Variants in MED26 observed in about 807,000 individuals in gnomAD.
MED26 encodes mediator of RNA polymerase II transcription subunit 26.
In MED26, 7 loss-of-function variants were observed where a neutral mutation model predicts 43.7. The ratio of observed to expected loss-of-function variants is 0.16; its 90% CI spans 0.09 to 0.30. MED26 has a LOEUF of 0.30. MED26 is among the 10% of genes least tolerant of loss of function. The pLI is 1.00. For missense variants in MED26, 784 were observed against 840.6 expected, an observed-to-expected ratio of 0.93 and a Z score of 0.83; for synonymous variants, 375 against 371.1, an observed-to-expected ratio of 1.01 and a Z score of -0.12.
chr19:16,578,362 T>A lies in MED26; in HGVS notation c.120A>T (p.Lys40Asn), dbSNP rs142449554. Residue 40 changes from lysine to asparagine, a missense_variant, in exon 2 of 3, where the codon AAA (lysine) becomes AAT (asparagine). Around this residue, in one of 3 missense-constraint regions of MED26, gnomAD observed 28 missense variants for 79.4 expected, o/e 0.35. Coordinates refer to ENST00000263390, the MANE Select transcript of MED26 (RefSeq NM_004831.5). ...AVLEVISSLE[K>N]YPITKEALEE... ...CAAGTGCCTCTTTGGTAATAGGGTA[T>A]TTCTCCAGGCTGGAGATGACTTCCA... 1 of 1,614,058 alleles carries A rather than the reference T, an allele frequency of 6.2e-7. No individual in the cohort carries two copies. Among genetic ancestry groups the A allele is most frequent in the South Asian group, 1.1e-5 (1 of 91,072 alleles).
At chr19:16,617,470 A>G (rs2086231546) in intron 1 of MED26, among the ~76,000 whole-genome samples, 2 of 152,222 alleles carry the variant, frequency 1.3e-5, no homozygotes, top group Admixed American at 1.3e-4. Flanking sequence ...GAAACTAGAA[A>G]GTAACTCCTG....
At chr19:16,594,881 TCAC>T (rs987140358) in intron 1 of MED26, among the ~76,000 whole-genome samples, 2 of 152,032 alleles carry the variant, frequency 1.3e-5, no homozygotes, top group Admixed American at 1.3e-4. Flanking sequence ...ACCCTACCTG[TCAC>T]CACACCAAAA....
intron 1 of MED26, among the ~76,000 whole-genome samples, chr19:16,606,729 GGGA>G (rs2086175103): frequency 6.6e-6 from 1 of 152,194 alleles, no homozygotes; most frequent in Non-Finnish European, 1.5e-5. Flanking sequence ...CATCTGGGAG[GGGA>G]GTAGGCTGAG....
At chr19:16,580,559 G>A (rs139386373) in intron 1 of MED26, among the ~76,000 whole-genome samples, 1 of 152,028 alleles carries the variant, frequency 6.6e-6, no homozygotes, top group East Asian at 1.9e-4. Context: ...TTTTAGTAGG[G>A]ACAGGGTTTC....
chr19:16,606,290 C>T (rs930256241), intron 1 of MED26, among the ~76,000 whole-genome samples: 12 of 152,204 alleles, frequency 7.9e-5, no homozygotes, highest in African/African-American at 2.9e-4. Context: ...GTGACTCACG[C>T]CTGTAATCCC....
At chr19:16,578,693 T>C in intron 1 of MED26, 1 of 410,956 alleles carries the variant, frequency 2.4e-6, no homozygotes, top group Non-Finnish European at 4.4e-6. Flanking sequence ...AAACCCAGGA[T>C]GCCTGTGGAA....
chr19:16,592,458 C>T lies in MED26; in HGVS notation c.73-14049G>A, dbSNP rs114303360. 6.4e-3 allele frequency among the ~76,000 whole-genome samples: 969 copies of T among 152,282 alleles called. 14 individuals carry two copies. Among genetic ancestry groups the T allele is most frequent in the African/African-American group, 0.021 (883 of 41,534 alleles). The stretch of plus-strand genomic sequence containing the variant: ...ATATCCAGGCTGGTGGGGGACGTAC[C>T]GCCACCAACCAGCAATGGCCACTGT... On this transcript the variant is annotated intron_variant, in intron 1 of 2. Coordinates refer to ENST00000263390, the MANE Select transcript of MED26 (RefSeq NM_004831.5).
Position 16,628,121 on chromosome 19 carries a change from GGCC to G in MED26, c.-181_-179del, listed in dbSNP as rs1253731016. On this transcript the variant is annotated 5_prime_UTR_variant, in exon 1 of 3. Transcript: ENST00000263390. ...GAGCCGGGGCCGGGTCTCGGTCCCGGGCCGCCGCCGCCACCAAAGGAGGAGGAG... is the reference window on the plus strand; with the variant it reads ...GAGCCGGGGCCGGGTCTCGGTCCCGGGCCGCCGCCACCAAAGGAGGAGGAG... 1.9e-5 allele frequency: 7 copies of G among 372,846 alleles called. No homozygotes were observed. The highest frequency in any genetic ancestry group is 3.3e-5 in the Non-Finnish European group (7 of 211,414). The allele number at this position is 372,846 out of a possible 1,614,324, so 23.1% of individuals were successfully genotyped here.
At chr19:16,593,057 C>A (rs1308175622) in intron 1 of MED26, among the ~76,000 whole-genome samples, 1 of 152,228 alleles carries the variant, frequency 6.6e-6, no homozygotes, top group Non-Finnish European at 1.5e-5. Flanking sequence ...GCCCACCAAT[C>A]CAGACACCAG....
In MED26 at chr19:16,586,688, GCA is replaced by G. The variant is rs1568281744; in HGVS notation, c.73-8281_73-8280del. Among the ~76,000 whole-genome samples the G allele has an allele frequency of 1.3e-5, 2 of 152,126 alleles. No homozygotes were observed. The highest frequency in any genetic ancestry group is 2.4e-5 in the African/African-American group (1 of 41,412). ...TGGCCCTGGGAACAGTGCACATGGA[GCA>G]CAGACTGCAGTTCTGCACTCCCCCA... On this transcript the variant is annotated intron_variant, in intron 1 of 2. Transcript: ENST00000263390. The surrounding 1 kb of genome is among the most constrained non-coding windows in gnomAD (Gnocchi z 5.1).
chr19:16,619,092 C>G (rs1482155365), intron 1 of MED26, among the ~76,000 whole-genome samples: 4 of 152,220 alleles, frequency 2.6e-5, no homozygotes, highest in African/African-American at 9.6e-5. Flanking sequence ...GGACAGGCCA[C>G]AGAATTAGTA....
intron 1 of MED26, among the ~76,000 whole-genome samples, chr19:16,594,159 G>A (rs2086110113): frequency 6.6e-6 from 1 of 152,380 alleles, no homozygotes; most frequent in African/African-American, 2.4e-5. Flanking sequence ...AGTGTGGCAA[G>A]GCAGGGAGAG....
At chr19:16,607,414 G>A (rs1599343588) in intron 1 of MED26, among the ~76,000 whole-genome samples, 1 of 150,892 alleles carries the variant, frequency 6.6e-6, no homozygotes. Flanking sequence ...TCCATATTGT[G>A]TGCCTCGTGC....
chr19:16,577,022 G>A lies in MED26; in HGVS notation c.808C>T (p.Arg270Cys), dbSNP rs781740131. ...PGPPHPKGPP[R>C]CSFSPRNSRH... ...GAGTTCCGAGGACTGAAAGAGCAGCGAGGGGGTCCCTTGGGATGGGGAGGC... is the reference window on the plus strand; with the variant it reads ...GAGTTCCGAGGACTGAAAGAGCAGCAAGGGGGTCCCTTGGGATGGGGAGGC... Residue 270 changes from arginine to cysteine, a missense_variant, in exon 3 of 3, where the codon CGC becomes TGC. Around this residue, in one of 3 missense-constraint regions of MED26, gnomAD observed 719 missense variants for 730.9 expected, o/e 0.98. Transcript: ENST00000263390. This position sits in a 1 kb window ranked among gnomAD's most constrained non-coding sequence, Gnocchi z 8.1. 22 of 1,608,754 alleles carry A rather than the reference G, an allele frequency of 1.4e-5. No individual in the cohort carries two copies. The highest frequency in any genetic ancestry group is 3.3e-4 in the Middle Eastern group (2 of 6,070).
In MED26 at chr19:16,581,283, A is replaced by C. The variant is rs116518516; in HGVS notation, c.73-2874T>G. On this transcript the variant is annotated intron_variant, in intron 1 of 2. Coordinates refer to ENST00000263390, the MANE Select transcript of MED26 (RefSeq NM_004831.5). ...GTGTCATGGTGGGGGTGGACGGGTG[A>C]TATGAGGGGAGATACAGTCCTGTCC... 3.2e-3 allele frequency among the ~76,000 whole-genome samples: 492 copies of C among 152,238 alleles called. 2 individuals carry two copies. Among genetic ancestry groups the C allele is most frequent in the African/African-American group, 0.011 (476 of 41,546 alleles).
intron 2 of MED26, 106 bp downstream of exon 2, chr19:16,578,229 C>G (rs1279858429): frequency 9.1e-7 from 1 of 1,095,748 alleles, no homozygotes. Flanking sequence ...TCTTGGTCCT[C>G]CGAAGCAAAG....
Position 16,576,220 on chromosome 19 carries a change from G to T in MED26, c.1610C>A (p.Pro537His). 6.2e-7 allele frequency: 1 copy of T among 1,611,616 alleles called. No individual in the cohort carries two copies. The highest frequency in any genetic ancestry group is 1.1e-5 in the South Asian group (1 of 91,088). ...CCGGGTCAGACCAGGGAGGTCCGTGGGCGGGCTTTGAGGCACCAGCACATG... is the reference window on the plus strand; with the variant it reads ...CCGGGTCAGACCAGGGAGGTCCGTGTGCGGGCTTTGAGGCACCAGCACATG... Reference protein sequence around the residue: ...QLHVLVPQSPPTDLPGLTREV... With the variant: ...QLHVLVPQSPHTDLPGLTREV... Residue 537 changes from proline (P) to histidine (H), a missense_variant, in exon 3 of 3, where the codon CCC becomes CAC. Coordinates refer to ENST00000263390, the MANE Select transcript of MED26 (RefSeq NM_004831.5). The surrounding 1 kb of genome is among the most constrained non-coding windows in gnomAD (Gnocchi z 6.8).
intron 1 of MED26, among the ~76,000 whole-genome samples, chr19:16,594,709 C>G (rs1174934768): frequency 6.6e-6 from 1 of 152,102 alleles, no homozygotes; most frequent in Non-Finnish European, 1.5e-5. Flanking sequence ...TATTTTAAAC[C>G]TTTTTTAACT....
In MED26 at chr19:16,577,200, C is replaced by A; in HGVS notation, c.630G>T (p.Glu210Asp). 6.2e-7 allele frequency: 1 copy of A among 1,613,302 alleles called. No individual in the cohort carries two copies. Among genetic ancestry groups the A allele is most frequent in the African/African-American group, 1.3e-5 (1 of 75,048 alleles). Residue 210 changes from glutamate (E) to aspartate (D), a missense_variant, in exon 3 of 3, where the codon GAG becomes GAT. Glu to Asp is a conservative substitution (Grantham distance 45). This residue lies in a region of MED26 where 719 missense variants were observed against 730.9 expected (regional missense o/e 0.98). Coordinates refer to ENST00000263390, the MANE Select transcript of MED26 (RefSeq NM_004831.5). This position sits in a 1 kb window ranked among gnomAD's most constrained non-coding sequence, Gnocchi z 8.1. ...CACTGTGCTTGTCATTCTCGTCACG[C>A]TCCAGGCGGCTGCCCTCTGGGCCTG... The part of the protein sequence containing the change: ...GHAGPEGSRL[E>D]RDENDKHSGK...
Sources: allele counts gnomAD v4.1 joint callset (sites outside exome capture counted in the v4.1 genomes callset), GRCh38; gene constraint gnomAD v4.1.1; regional missense constraint gnomAD v4.1.1; non-coding constraint Gnocchi (gnomAD v3.1); transcripts MANE v1.5; gene names NCBI Gene and HGNC (gene_info 2026-07-23, HGNC 2026-07-21).